The following TLK1 variants were observed in gnomAD, a reference collection of about 807,000 sequenced individuals.
TLK1 encodes the protein tousled like kinase 1, also known as serine/threonine-protein kinase tousled-like 1.
Under a neutral mutation model 105.3 loss-of-function variants are expected in TLK1, and 24 were observed. The ratio of observed to expected loss-of-function variants is 0.23; its 90% CI spans 0.17 to 0.32. TLK1 has a LOEUF of 0.32. Among genes scored for constraint, TLK1 ranks in the 10% least tolerant of loss-of-function variants. The pLI, the probability that TLK1 is intolerant of heterozygous loss-of-function variation, is 1.00. For missense variants in TLK1, 558 were observed against 910.5 expected, an observed-to-expected ratio of 0.61 and a Z score of 4.98; for synonymous variants, 321 against 310.4, an observed-to-expected ratio of 1.03 and a Z score of -0.36.
chr2:171,213,582 G>A (rs1007138232), intron 1 of TLK1, among the ~76,000 whole-genome samples: 10 of 151,418 alleles, frequency 6.6e-5, no homozygotes, highest in Admixed American at 4.6e-4. Context: ...ACTTTGGGAG[G>A]CTGAGGCGGG....
chr2:171,141,634 C>A (rs1691578884), intron 1 of TLK1, among the ~76,000 whole-genome samples: 1 of 152,116 alleles, frequency 6.6e-6, no homozygotes, highest in African/African-American at 2.4e-5. Flanking sequence ...TCAACAGAAA[C>A]TCTGGAAACC....
At chr2:171,065,036 A>C (rs566259100) in intron 3 of TLK1, among the ~76,000 whole-genome samples, 123 of 152,304 alleles carry the variant, frequency 8.1e-4, no homozygotes, top group African/African-American at 2.9e-3. Context: ...TTATAATAAA[A>C]TATAAAGGAG....
intron 12 of TLK1, among the ~76,000 whole-genome samples, chr2:171,016,886 G>A (rs757139423): frequency 2.6e-4 from 39 of 152,150 alleles, no homozygotes; most frequent in Non-Finnish European, 4.7e-4. Context: ...ATATTACATG[G>A]CAAATAGAAA....
At chr2:171,163,180 G>A (rs915779461), upstream of TLK1, among the ~76,000 whole-genome samples, 9 of 152,160 alleles carry the variant, frequency 5.9e-5, no homozygotes, top group African/African-American at 2.2e-4. Context: ...TTTTTAAGTA[G>A]TATTACACTG....
At chr2:171,125,491 A>G (rs1690832651) in intron 1 of TLK1, among the ~76,000 whole-genome samples, 1 of 152,190 alleles carries the variant, frequency 6.6e-6, no homozygotes, top group Admixed American at 6.5e-5. Context: ...AAATAAAATA[A>G]AAAATTGCAA....
chr2:171,105,555 G>A (rs58685348), intron 2 of TLK1, among the ~76,000 whole-genome samples: 13 of 152,066 alleles, frequency 8.5e-5, no homozygotes, highest in African/African-American at 2.9e-4. Flanking sequence ...GTGTGGTGGC[G>A]TGCGCCTGTA....
chr2:171,215,349 T>G (rs1389368957), intron 1 of TLK1, among the ~76,000 whole-genome samples: 2 of 152,240 alleles, frequency 1.3e-5, no homozygotes, highest in Non-Finnish European at 2.9e-5. Flanking sequence ...GTGTTTAGTT[T>G]CCAACACAAA....
intron 2 of TLK1, among the ~76,000 whole-genome samples, chr2:171,089,472 GTTAT>G (rs1240426010): frequency 6.6e-6 from 1 of 152,154 alleles, no homozygotes; most frequent in Admixed American, 6.5e-5. Context: ...AAAGTGAAGA[GTTAT>G]TTATTTTCCC....
At chr2:171,112,674 A>G (rs1236106082) in intron 2 of TLK1, among the ~76,000 whole-genome samples, 1 of 152,230 alleles carries the variant, frequency 6.6e-6, no homozygotes, top group Non-Finnish European at 1.5e-5. Context: ...CCTTAAATAA[A>G]TCTACAGAAC....
At chr2:171,018,618 C>G (rs759262886) in intron 12 of TLK1, among the ~76,000 whole-genome samples, 1 of 152,158 alleles carries the variant, frequency 6.6e-6, no homozygotes, top group Non-Finnish European at 1.5e-5. Flanking sequence ...CACAATTGAT[C>G]TGAATTCACC....
Position 171,049,953 on chromosome 2 carries a change from G to A in TLK1, c.844-3C>T. 17 of 1,602,368 alleles carry A rather than the reference G, an allele frequency of 1.1e-5. No homozygotes were observed. The highest frequency in any genetic ancestry group is 1.4e-5 in the Non-Finnish European group (16 of 1,173,530). On this transcript the variant is annotated splice_region_variant and splice_polypyrimidine_tract_variant and intron_variant, in intron 9 of 20. Coordinates refer to ENST00000431350, the MANE Select transcript of TLK1 (RefSeq NM_012290.5). ...CTTGACAGCTTTTCTTGTGTACTCT[G>A]AAAAGGAGAAAAAAAATCATCACTC...
chr2:171,159,361 TCA>T (rs1225355060), intron 1 of TLK1, among the ~76,000 whole-genome samples: 2 of 152,198 alleles, frequency 1.3e-5, no homozygotes, highest in Admixed American at 6.5e-5. Flanking sequence ...CTCCCAAATT[TCA>T]TTTTATGTTG....
intron 12 of TLK1, among the ~76,000 whole-genome samples, chr2:171,019,382 G>C (rs531948221): frequency 2.0e-5 from 3 of 152,126 alleles, no homozygotes; most frequent in African/African-American, 7.2e-5. Flanking sequence ...GGTGAATCTG[G>C]AGTATTTTGG....
intron 1 of TLK1, among the ~76,000 whole-genome samples, chr2:171,148,451 T>C (rs1691882482): frequency 2.6e-5 from 4 of 152,230 alleles, no homozygotes; most frequent in Admixed American, 2.6e-4. Context: ...CTCTTGGTGG[T>C]GTATTTTTTC....
At chr2:171,019,577 T>C (rs867643031) in intron 12 of TLK1, among the ~76,000 whole-genome samples, 4 of 152,010 alleles carry the variant, frequency 2.6e-5, no homozygotes, top group Non-Finnish European at 2.9e-5. Flanking sequence ...ATATGTTACA[T>C]ATTCTCTCTA....
intron 3 of TLK1, among the ~76,000 whole-genome samples, chr2:171,079,278 T>C (rs1248462964): frequency 6.6e-6 from 1 of 152,198 alleles, no homozygotes; most frequent in Non-Finnish European, 1.5e-5. Flanking sequence ...CATCTCTTCT[T>C]TGAAGGAAGA....
chr2:171,062,165 G>A (rs1364154133), intron 3 of TLK1, among the ~76,000 whole-genome samples: 1 of 152,148 alleles, frequency 6.6e-6, no homozygotes, highest in Non-Finnish European at 1.5e-5. Flanking sequence ...AAGAGCAAAA[G>A]CACAGGCAAT....
rs138951108 is a variant in TLK1 at position 171,215,537 on chromosome 2, C to G, written c.-6+15608G>C. ...GGCACGGTGATGTATTGCTCTTACT[C>G]TGATAGAGCCTACAGGTCATTTTAA... On this transcript the variant is annotated intron_variant, in intron 1 of 20. Coordinates refer to the TLK1 transcript ENST00000521943. Among the ~76,000 whole-genome samples the G allele has an allele frequency of 3.3e-4, 51 of 152,302 alleles. No individual in the cohort carries two copies. In the East Asian group the frequency reaches 9.3e-3, roughly 28 times the overall value.
intron 11 of TLK1, among the ~76,000 whole-genome samples, chr2:171,036,428 G>A (rs1040779211): frequency 1.3e-5 from 2 of 152,170 alleles, no homozygotes; most frequent in South Asian, 4.1e-4. Context: ...AGTTTAAACA[G>A]ATTGTTAGCA....
Sources: gnomAD v4.1 joint callset for allele counts (sites outside exome capture counted in the v4.1 genomes callset) on GRCh38, gnomAD v4.1.1 for gene constraint, MANE v1.5 for transcripts, NCBI Gene and HGNC (gene_info 2026-07-23, HGNC 2026-07-21) for gene names.